The following GOLGA7 variants were observed in gnomAD, a reference collection of about 807,000 sequenced individuals.
GOLGA7 encodes the protein golgin A7.
GOLGA7 carries 10 observed loss-of-function variants against 21.1 expected under a neutral mutation model. That is an observed-to-expected ratio of 0.47 (90% confidence interval 0.29 to 0.80). The LOEUF (loss-of-function observed/expected upper bound fraction) is 0.80. GOLGA7 is among the 30% of genes least tolerant of loss of function. The pLI is 0.08. For synonymous variants in GOLGA7, 64 were observed against 62.6 expected, an observed-to-expected ratio of 1.02 and a Z score of -0.10; for missense variants, 114 against 166.8, an observed-to-expected ratio of 0.68 and a Z score of 1.74.
rs1805860508 is a variant in GOLGA7 at position 41,490,785 on chromosome 8, T to C, written c.-70T>C. On this transcript the variant is annotated 5_prime_UTR_variant, in exon 1 of 5. Transcript: ENST00000357743. ...GGGGCTGGCGGGTCAGAGTCCCGGGTCCAGGCCGGGGCTCTGACTCGCGGT... is the reference window on the plus strand; with the variant it reads ...GGGGCTGGCGGGTCAGAGTCCCGGGCCCAGGCCGGGGCTCTGACTCGCGGT... The C allele has an allele frequency of 1.2e-6, 1 of 830,996 alleles. No homozygotes were observed. The highest frequency in any genetic ancestry group is 2.1e-5 in the Admixed American group (1 of 47,534). The allele number at this position is 830,996 out of a possible 1,614,324, so 51.5% of individuals were successfully genotyped here. A position where few individuals can be genotyped will look rare whatever the true frequency, so the allele number is the denominator to read the frequency against.
chr8:41,504,748 A>G (rs1198043579), intron 2 of GOLGA7, among the ~76,000 whole-genome samples: 2 of 152,228 alleles, frequency 1.3e-5, no homozygotes, highest in Non-Finnish European at 2.9e-5. Context: ...CTTTTCTTCA[A>G]TTAGAAAATT....
intron 3 of GOLGA7, among the ~76,000 whole-genome samples, chr8:41,506,417 A>G (rs961902471): frequency 2.0e-5 from 3 of 152,190 alleles, no homozygotes; most frequent in African/African-American, 7.2e-5. Flanking sequence ...TTATCTGACT[A>G]GTTGAAATCA....
intron 1 of GOLGA7, 78 bp downstream of exon 1, chr8:41,491,043 C>G (rs1390086992): frequency 1.0e-5 from 9 of 875,416 alleles, no homozygotes; most frequent in Non-Finnish European, 1.5e-5. Flanking sequence ...TGGGCGACAA[C>G]CGGGCCTTTG....
intron 2 of GOLGA7, among the ~76,000 whole-genome samples, chr8:41,499,312 T>C (rs1226227894): frequency 6.6e-6 from 1 of 152,166 alleles, no homozygotes; most frequent in Non-Finnish European, 1.5e-5. Context: ...GCTCTTTTAG[T>C]TTAGCCATCC....
rs1806373756 is a variant in GOLGA7 at position 41,509,682 on chromosome 8, G to C, written c.*114G>C. On this transcript the variant is annotated 3_prime_UTR_variant, in exon 5 of 5. Transcript: ENST00000357743. ...TCATTCCTTTCTATCTGCTGCCAGA[G>C]CCACGGTGCCATTTACTCCAAGGAC... 6.6e-6 allele frequency: 1 copy of C among 152,576 alleles called. No individual in the cohort carries two copies. The highest frequency in any genetic ancestry group is 1.5e-5 in the Non-Finnish European group (1 of 68,036). The allele number at this position is 152,576 out of a possible 1,614,324, so 9.5% of individuals were successfully genotyped here.
rs1806277834 is a variant in GOLGA7 at position 41,505,979 on chromosome 8, C to A, written c.333C>A (p.Leu111=). ...AGATCTATGCTCCACAAGGCCTCCT[C>A]CTGACAGACCCTATTGAGCGAGGAC... ...NEKIYAPQGL[L]LTDPIERGLR... is the part of the protein sequence containing the mutation. The change falls in exon 3 of 5, where the codon CTC becomes CTA. Residue 111 remains leucine, a synonymous_variant. Coordinates refer to ENST00000357743, the MANE Select transcript of GOLGA7 (RefSeq NM_001002296.2). 6.3e-7 allele frequency: 1 copy of A among 1,592,498 alleles called. No individual in the cohort carries two copies. Among genetic ancestry groups the A allele is most frequent in the Non-Finnish European group, 8.6e-7 (1 of 1,161,856 alleles).
chr8:41,501,168 G>C (rs558130902), intron 2 of GOLGA7, among the ~76,000 whole-genome samples: 2 of 152,244 alleles, frequency 1.3e-5, no homozygotes, highest in East Asian at 3.9e-4. Flanking sequence ...TGGTAATTGG[G>C]TGCTAGTCAG....
In GOLGA7 at chr8:41,505,962, G is replaced by A. The variant is rs904057562; in HGVS notation, c.316G>A (p.Ala106Thr). Residue 106 changes from alanine to threonine, a missense_variant, in exon 3 of 5, where the codon GCT (alanine) becomes ACT (threonine). Physicochemically the swap from Ala to Thr is moderately conservative, Grantham distance 58. Transcript: ENST00000357743. ...TCAAGAGCAGAATGAGAAGATCTATGCTCCACAAGGCCTCCTCCTGACAGA... is the reference window on the plus strand; with the variant it reads ...TCAAGAGCAGAATGAGAAGATCTATACTCCACAAGGCCTCCTCCTGACAGA... ...YIQEQNEKIY[A>T]PQGLLLTDPI... 12 of 1,604,764 alleles carry A rather than the reference G, an allele frequency of 7.5e-6. No homozygotes were observed. The African/African-American group carries it at 1.5e-4, about 20-fold the overall frequency.
chr8:41,508,006 C>T (rs534340450), intron 4 of GOLGA7, among the ~76,000 whole-genome samples: 11 of 152,334 alleles, frequency 7.2e-5, no homozygotes, highest in South Asian at 4.1e-4. Context: ...AATGGTACTT[C>T]TGAATCTCAC....
intron 4 of GOLGA7, among the ~76,000 whole-genome samples, chr8:41,508,971 A>G (rs1806356075): frequency 6.6e-6 from 1 of 152,242 alleles, no homozygotes. Context: ...AAACATGAGG[A>G]TGGCCTTTAT....
intron 3 of GOLGA7, 21 bp downstream of exon 3, chr8:41,506,033 A>T: frequency 1.7e-6 from 2 of 1,159,580 alleles, no homozygotes; most frequent in Non-Finnish European, 2.5e-6. Context: ...AGTTCGGATC[A>T]GAAAGTCTAA....
rs1472594153 is a variant in GOLGA7 at position 41,510,504 on chromosome 8, G to A, written c.*936G>A. On this transcript the variant is annotated 3_prime_UTR_variant, in exon 5 of 5. Coordinates refer to ENST00000357743, the MANE Select transcript of GOLGA7 (RefSeq NM_001002296.2). ...TTACTAATTTTTAACTATCCCTAAG[G>A]CAAACCTTATGACCCACAGAATTTT... 2.0e-5 allele frequency: 3 copies of A among 152,564 alleles called. No individual in the cohort carries two copies. The highest frequency in any genetic ancestry group is 4.4e-5 in the Non-Finnish European group (3 of 67,994). The allele number at this position is 152,564 out of a possible 1,614,324, so 9.5% of individuals were successfully genotyped here.
intron 4 of GOLGA7, among the ~76,000 whole-genome samples, chr8:41,508,424 AT>A (rs1206301917): frequency 6.6e-6 from 1 of 152,128 alleles, no homozygotes; most frequent in Non-Finnish European, 1.5e-5. Flanking sequence ...CATATGTTGT[AT>A]TTCCTTAAAA....
At chr8:41,495,202 C>CAAAAAAA (rs1200554916) in intron 1 of GOLGA7, among the ~76,000 whole-genome samples, 5 of 39,622 alleles carry the variant, frequency 1.3e-4, no homozygotes, top group Non-Finnish European at 1.4e-4. Context: ...GACTCTGTCT[C>CAAAAAAA]AAAAAAAAAA....
At chr8:41,505,129 C>T (rs978151658) in intron 2 of GOLGA7, among the ~76,000 whole-genome samples, 4 of 152,210 alleles carry the variant, frequency 2.6e-5, no homozygotes, top group African/African-American at 9.7e-5. Flanking sequence ...TTATCTGTCT[C>T]AGAATTGCCT....
At chr8:41,508,413 C>T (rs1184163226) in intron 4 of GOLGA7, among the ~76,000 whole-genome samples, 1 of 152,194 alleles carries the variant, frequency 6.6e-6, no homozygotes, top group Admixed American at 6.5e-5. Context: ...CTATCCTCTG[C>T]CATATGTTGT....
At chr8:41,502,625 A>C (rs1389369481) in intron 2 of GOLGA7, 2 of 152,158 alleles carry the variant, frequency 1.3e-5, no homozygotes, top group East Asian at 1.9e-4. Context: ...TATGTGCTGT[A>C]ATCTCTAGAA....
At chr8:41,507,385 G>A (rs549615947) in intron 4 of GOLGA7, among the ~76,000 whole-genome samples, 14 of 152,052 alleles carry the variant, frequency 9.2e-5, no homozygotes, top group Non-Finnish European at 1.9e-4. Context: ...ACTTTGGTGG[G>A]GGAATGGGGG....
chr8:41,498,576 A>C (rs1425452131), intron 2 of GOLGA7, among the ~76,000 whole-genome samples: 11 of 151,988 alleles, frequency 7.2e-5, no homozygotes, highest in Admixed American at 7.2e-4. Flanking sequence ...TTCAAATCCC[A>C]CCAGTCCCTT....
Sources: allele counts gnomAD v4.1 joint callset (sites outside exome capture counted in the v4.1 genomes callset), GRCh38; gene constraint gnomAD v4.1.1; transcripts MANE v1.5; gene names NCBI Gene and HGNC (gene_info 2026-07-23, HGNC 2026-07-21).